Variants in TMEM202 observed in about 807,000 individuals in gnomAD.
TMEM202 encodes transmembrane protein 202.
In TMEM202, 25 loss-of-function variants were observed where a neutral mutation model predicts 26.1. The ratio of observed to expected loss-of-function variants is 0.96; its 90% CI spans 0.70 to 1.34. The LOEUF is 1.34. Ranked by LOEUF, TMEM202 falls within the 40% of genes most tolerant of loss-of-function variation. TMEM202 has a pLI of 0.00. For missense variants in TMEM202, 301 were observed against 327.7 expected (o/e 0.92, Z 0.63); for synonymous variants, 122 against 119.0 (o/e 1.02, Z -0.16).
At chr15:72,404,324 A>G (rs1011770129) in intron 2 of TMEM202, among the ~76,000 whole-genome samples, 1 of 152,048 alleles carries the variant, frequency 6.6e-6, no homozygotes, top group African/African-American at 2.4e-5. Context: ...CTGAGGTGGG[A>G]GGATAGCTTG....
At chr15:72,399,200 C>T (rs774006134) in intron 2 of TMEM202, among the ~76,000 whole-genome samples, 10 of 152,234 alleles carry the variant, frequency 6.6e-5, no homozygotes, top group Non-Finnish European at 8.8e-5. Flanking sequence ...TGCAAAAGCA[C>T]TATCATTGCT....
In TMEM202 at chr15:72,398,349, C is replaced by T; in HGVS notation, c.23C>T (p.Thr8Ile). ...AAGATGGAGCGAAGGGAACATTTAA[C>T]CTTGACTTTCCACAGTCCTGAGGTT... MERREHLTLTFHSPEVPK... is the reference protein window; with the variant it reads MERREHLILTFHSPEVPK... Residue 8 changes from threonine to isoleucine, a missense_variant, in exon 1 of 5, where the codon ACC becomes ATC. By Grantham distance (89) the Thr-to-Ile change is moderately conservative. Transcript: ENST00000341689. The T allele has an allele frequency of 6.2e-7, 1 of 1,613,228 alleles. No individual in the cohort carries two copies. The highest frequency in any genetic ancestry group is 8.5e-7 in the Non-Finnish European group (1 of 1,179,764).
intron 2 of TMEM202, among the ~76,000 whole-genome samples, chr15:72,400,955 G>A (rs2063544664): frequency 6.6e-6 from 1 of 152,180 alleles, no homozygotes; most frequent in Admixed American, 6.5e-5. Flanking sequence ...ACCATATAGG[G>A]TAAATTCCTG....
Position 72,407,124 on chromosome 15 carries a change from C to T in TMEM202, c.526C>T (p.Gln176Ter). ...CCTCTGCCTCAACCTGTTTGTGGCACAGGTTCACTGGCATACTAGGGATGC... is the reference window on the plus strand; with the variant it reads ...CCTCTGCCTCAACCTGTTTGTGGCATAGGTTCACTGGCATACTAGGGATGC... ...LLLCLNLFVA[Q>*]VHWHTRDAME... is the part of the protein sequence containing the mutation. The change falls in exon 4 of 5, where the codon CAG (glutamine) becomes TAG (stop). Residue 176 changes from glutamine to a stop codon, truncating the protein, a stop_gained. Transcript: ENST00000341689. LOFTEE classifies it high-confidence loss of function. 1 of 1,613,098 alleles carries T rather than the reference C, an allele frequency of 6.2e-7. No individual in the cohort carries two copies.
At position 72,407,111 on chromosome 15, in the gene TMEM202, C is replaced by A. The variant is rs2063575847; in HGVS notation, c.513C>A (p.Asn171Lys). 7 of 1,612,768 alleles carry A rather than the reference C, an allele frequency of 4.3e-6. No homozygotes were observed. Among genetic ancestry groups the A allele is most frequent in the Admixed American group, 1.7e-5 (1 of 60,014 alleles). Residue 171 changes from asparagine to lysine, a missense_variant, in exon 4 of 5, where the codon AAC becomes AAA. By Grantham distance (94) the Asn-to-Lys change is moderately conservative. Transcript: ENST00000341689. ...ISATCLLLCL[N>K]LFVAQVHWHT... ...CTACCTGCTTGCTCCTCTGCCTCAACCTGTTTGTGGCACAGGTTCACTGGC... is the reference window on the plus strand; with the variant it reads ...CTACCTGCTTGCTCCTCTGCCTCAAACTGTTTGTGGCACAGGTTCACTGGC...
chr15:72,402,577 T>C (rs1391384390), intron 2 of TMEM202, among the ~76,000 whole-genome samples: 3 of 152,178 alleles, frequency 2.0e-5, no homozygotes, highest in African/African-American at 7.2e-5. Context: ...ATTCTTCACT[T>C]TTACTAGGAA....
At chr15:72,405,981 C>G (rs1043656692) in intron 2 of TMEM202, among the ~76,000 whole-genome samples, 2 of 152,074 alleles carry the variant, frequency 1.3e-5, no homozygotes, top group African/African-American at 4.8e-5. Context: ...CATAGGCTGA[C>G]AAGGCCTGTA....
intron 2 of TMEM202, among the ~76,000 whole-genome samples, chr15:72,405,648 C>G (rs937210509): frequency 5.9e-5 from 9 of 152,054 alleles, no homozygotes; most frequent in Non-Finnish European, 1.2e-4. Flanking sequence ...GTGGTAAGTT[C>G]CTGCAGCTTG....
chr15:72,407,575 G>C, intron 4 of TMEM202, 116 bp from the exon 5 acceptor site: 1 of 857,578 alleles, frequency 1.2e-6, no homozygotes, highest in Non-Finnish European at 1.9e-6. Context: ...CTGGGGGAGA[G>C]AGGGGTTCAC....
intron 2 of TMEM202, among the ~76,000 whole-genome samples, chr15:72,399,808 A>G (rs938078956): frequency 6.6e-6 from 1 of 152,272 alleles, no homozygotes; most frequent in African/African-American, 2.4e-5. Context: ...GAAAGATATC[A>G]TTACACTGAC....
At position 72,398,345 on chromosome 15, in the gene TMEM202, T is replaced by A; in HGVS notation, c.19T>A (p.Leu7Ile). 6.2e-7 allele frequency: 1 copy of A among 1,613,358 alleles called. No individual in the cohort carries two copies. The highest frequency in any genetic ancestry group is 8.5e-7 in the Non-Finnish European group (1 of 1,179,800). ...TGCCAAGATGGAGCGAAGGGAACAT[T>A]TAACCTTGACTTTCCACAGTCCTGA... The part of the protein sequence containing the change: MERREH[L>I]TLTFHSPEVP... The change falls in exon 1 of 5, where the codon TTA (leucine) becomes ATA (isoleucine). Residue 7 changes from leucine to isoleucine, a missense_variant. Transcript: ENST00000341689.
rs368277906 is a variant in TMEM202, at chr15:72,398,832, T to C, written c.261T>C (p.Asn87=). The C allele has an allele frequency of 1.2e-6, 2 of 1,614,208 alleles. No individual in the cohort carries two copies. Among genetic ancestry groups the C allele is most frequent in the Non-Finnish European group, 1.7e-6 (2 of 1,180,036 alleles). ...GGGTACAGTTTCTGGTGATCAAGAATGGCCTTGAGCTCTACGCAGGACTCT... is the reference window on the plus strand; with the variant it reads ...GGGTACAGTTTCTGGTGATCAAGAACGGCCTTGAGCTCTACGCAGGACTCT... ...LNWVQFLVIK[N]GLELYAGLWT... is the part of the protein sequence containing the mutation. Residue 87 remains asparagine, a synonymous_variant, in exon 2 of 5, where the codon AAT becomes AAC. Transcript: ENST00000341689.
chr15:72,405,716 G>A (rs1009914379), intron 2 of TMEM202, among the ~76,000 whole-genome samples: 5 of 152,184 alleles, frequency 3.3e-5, no homozygotes, highest in African/African-American at 1.2e-4. Context: ...GGCTGGGCGA[G>A]GTGGCTCACG....
At chr15:72,406,538 G>T in intron 2 of TMEM202, 64 bp from the exon 3 acceptor site, 1 of 1,369,418 alleles carries the variant, frequency 7.3e-7, no homozygotes, top group Non-Finnish European at 1.0e-6. Flanking sequence ...ACTCTATCTG[G>T]CCTTTTTAAG....
intron 2 of TMEM202, among the ~76,000 whole-genome samples, chr15:72,403,506 AG>A (rs1395770092): frequency 6.6e-6 from 1 of 152,208 alleles, no homozygotes; most frequent in Admixed American, 6.5e-5. Flanking sequence ...CAGGTGACAC[AG>A]GGGTGTTCGT....
intron 2 of TMEM202, among the ~76,000 whole-genome samples, chr15:72,405,000 C>T (rs1273997503): frequency 6.6e-6 from 1 of 152,158 alleles, no homozygotes; most frequent in East Asian, 1.9e-4. Flanking sequence ...ATGTGGCTCA[C>T]TTGTTAGGGC....
chr15:72,401,492 G>A (rs1485328167), intron 2 of TMEM202, among the ~76,000 whole-genome samples: 1 of 152,120 alleles, frequency 6.6e-6, no homozygotes, highest in Admixed American at 6.5e-5. Context: ...GTTGTGAGCC[G>A]AGATTGAGCT....
rs926576574 is a variant in TMEM202, at chr15:72,398,889, C to T, written c.318C>T (p.Ser106=). 1.9e-6 allele frequency: 3 copies of T among 1,607,110 alleles called. No individual in the cohort carries two copies. Among genetic ancestry groups the T allele is most frequent in the Admixed American group, 3.3e-5 (2 of 59,932 alleles). Residue 106 remains serine (S), a synonymous_variant, in exon 2 of 5, where the codon AGC becomes AGT. Coordinates refer to ENST00000341689, the MANE Select transcript of TMEM202 (RefSeq NM_001080462.3). The stretch of plus-strand genomic sequence containing the variant: ...TATGCAACCATGAGCTGTGCTGGAG[C>T]CACACACCCAAGCCACCCTGTGAGT... ...WTLCNHELCW[S]HTPKPPYYLQ...
chr15:72,400,706 T>G (rs961594685), intron 2 of TMEM202, among the ~76,000 whole-genome samples: 1 of 152,194 alleles, frequency 6.6e-6, no homozygotes, highest in African/African-American at 2.4e-5. Context: ...AGAGGGTTCT[T>G]GGATCTTGGG....
Sources: allele counts gnomAD v4.1 joint callset (sites outside exome capture counted in the v4.1 genomes callset), GRCh38; gene constraint gnomAD v4.1.1; transcripts MANE v1.5; gene names NCBI Gene and HGNC (gene_info 2026-07-23, HGNC 2026-07-21).